Variants in UBE2H observed in about 807,000 individuals in gnomAD.
UBE2H encodes ubiquitin-conjugating enzyme E2 H.
UBE2H carries 3 observed loss-of-function variants against 29.0 expected under a neutral mutation model. That is an observed-to-expected ratio of 0.10 (90% CI 0.05 to 0.27). UBE2H has a LOEUF of 0.27. Ranked by LOEUF, UBE2H falls within the 10% of genes least tolerant of loss-of-function variation. The pLI is 1.00. For synonymous variants in UBE2H, 69 were observed against 82.9 expected, an observed-to-expected ratio of 0.83 and a Z score of 0.91; for missense variants, 68 against 228.2, an observed-to-expected ratio of 0.30 and a Z score of 4.52.
chr7:129,887,912 CA>C (rs1384267187), intron 1 of UBE2H, among the ~76,000 whole-genome samples: 1 of 151,888 alleles, frequency 6.6e-6, no homozygotes, highest in Non-Finnish European at 1.5e-5. Context: ...AAAGCAAAAA[CA>C]AAAAAACCAA....
chr7:129,877,477 G>A (rs1233364220), intron 3 of UBE2H, among the ~76,000 whole-genome samples: 1 of 152,024 alleles, frequency 6.6e-6, no homozygotes, highest in African/African-American at 2.4e-5. Flanking sequence ...CCTGAAAATG[G>A]GTCACCCCGC....
At chr7:129,849,765 G>A (rs978294779) in intron 5 of UBE2H, among the ~76,000 whole-genome samples, 4 of 151,958 alleles carry the variant, frequency 2.6e-5, no homozygotes, top group Non-Finnish European at 5.9e-5. Context: ...GTTTACTGAA[G>A]GCTAACTAGC....
At chr7:129,903,858 C>T (rs1467834538) in intron 1 of UBE2H, among the ~76,000 whole-genome samples, 1 of 152,204 alleles carries the variant, frequency 6.6e-6, no homozygotes, top group African/African-American at 2.4e-5. Flanking sequence ...GGTAGCTATG[C>T]TGGCATCTGT....
chr7:129,861,330 T>G (rs1805797877), intron 3 of UBE2H, among the ~76,000 whole-genome samples: 1 of 152,194 alleles, frequency 6.6e-6, no homozygotes, highest in Non-Finnish European at 1.5e-5. Context: ...AATAAGAAAC[T>G]GAAAGTAAGT....
At chr7:129,923,937 T>C (rs891539380) in intron 1 of UBE2H, among the ~76,000 whole-genome samples, 1 of 152,204 alleles carries the variant, frequency 6.6e-6, no homozygotes, top group African/African-American at 2.4e-5. Flanking sequence ...GCCATTAACA[T>C]CTTGACTCAA....
chr7:129,902,285 G>C (rs1489118446), intron 1 of UBE2H, among the ~76,000 whole-genome samples: 1 of 152,152 alleles, frequency 6.6e-6, no homozygotes, highest in Non-Finnish European at 1.5e-5. Flanking sequence ...GATCACCTGA[G>C]GTCAGGAGTT....
At chr7:129,923,352 A>G (rs1807204387) in intron 1 of UBE2H, among the ~76,000 whole-genome samples, 1 of 152,210 alleles carries the variant, frequency 6.6e-6, no homozygotes, top group Non-Finnish European at 1.5e-5. Flanking sequence ...AGTCATATCC[A>G]TGTTAAAGGC....
At chr7:129,929,374 A>G (rs149053317) in intron 1 of UBE2H, among the ~76,000 whole-genome samples, 8 of 152,186 alleles carry the variant, frequency 5.3e-5, no homozygotes, top group African/African-American at 1.9e-4. Context: ...GTAGCTCAAG[A>G]ACTGAACTGC....
In UBE2H at chr7:129,840,624, C is replaced by T. The variant is rs761104989; in HGVS notation, c.299-1289G>A. Among the ~76,000 whole-genome samples the T allele has an allele frequency of 3.0e-4, 45 of 152,310 alleles. 1 individual carries two copies. Among genetic ancestry groups the T allele is most frequent in the Middle Eastern group, 3.4e-3 (1 of 294 alleles). ...CCACACACCCCATAGCTCAGATATG[C>T]TGTAACTTCCACACTCTGCTCCTCA... On this transcript the variant is annotated intron_variant, in intron 5 of 6. Coordinates refer to ENST00000355621, the MANE Select transcript of UBE2H (RefSeq NM_003344.4).
chr7:129,862,086 C>T (rs17558874), intron 3 of UBE2H, among the ~76,000 whole-genome samples: 9,786 of 152,110 alleles, frequency 0.064, 340 homozygotes, highest in South Asian at 0.13. Context: ...TTATAAGGTA[C>T]GTGGTCCTCA....
At chr7:129,860,205 G>T (rs1805774978) in intron 3 of UBE2H, among the ~76,000 whole-genome samples, 1 of 152,120 alleles carries the variant, frequency 6.6e-6, no homozygotes, top group African/African-American at 2.4e-5. Context: ...CCAAGTCCAA[G>T]TAGTCCAGTC....
chr7:129,843,514 G>GCTGCCTCT (rs1275475362), intron 5 of UBE2H, among the ~76,000 whole-genome samples: 1 of 152,096 alleles, frequency 6.6e-6, no homozygotes, highest in Non-Finnish European at 1.5e-5. Context: ...CTCTGTTAAT[G>GCTGCCTCT]GATAAAACAC....
chr7:129,895,290 T>G (rs1009339762), intron 1 of UBE2H, among the ~76,000 whole-genome samples: 1 of 152,112 alleles, frequency 6.6e-6, no homozygotes, highest in Non-Finnish European at 1.5e-5. Flanking sequence ...GCGGAAGACC[T>G]AGACCTGCAA....
chr7:129,941,272 C>T (rs185696454), intron 1 of UBE2H, among the ~76,000 whole-genome samples: 168 of 151,656 alleles, frequency 1.1e-3, no homozygotes, highest in African/African-American at 3.7e-3. Flanking sequence ...GTCTCGAACT[C>T]CTGAGTTCAA....
At chr7:129,915,900 A>T (rs187494449) in intron 1 of UBE2H, among the ~76,000 whole-genome samples, 18 of 152,348 alleles carry the variant, frequency 1.2e-4, no homozygotes, top group Non-Finnish European at 1.5e-5. Context: ...CAGAATACAG[A>T]AACAGACCAA....
chr7:129,840,237 G>C (rs745873512), intron 5 of UBE2H, among the ~76,000 whole-genome samples: 20 of 152,174 alleles, frequency 1.3e-4, no homozygotes, highest in Middle Eastern at 3.4e-3. Flanking sequence ...CCAAGTTGGA[G>C]TGCATAGGTG....
chr7:129,939,619 A>C (rs1306629525), intron 1 of UBE2H, among the ~76,000 whole-genome samples: 1 of 152,204 alleles, frequency 6.6e-6, no homozygotes, highest in African/African-American at 2.4e-5. Context: ...TTTTTAAATT[A>C]ATCAACTTAT....
At chr7:129,878,373 G>A (rs1223594038) in intron 3 of UBE2H, among the ~76,000 whole-genome samples, 2 of 151,964 alleles carry the variant, frequency 1.3e-5, no homozygotes, top group Admixed American at 6.6e-5. Context: ...CCAGGATATC[G>A]GGCATTACTT....
Position 129,846,018 on chromosome 7 carries a change from A to G in UBE2H, c.299-6683T>C, listed in dbSNP as rs182740935. On this transcript the variant is annotated intron_variant, in intron 5 of 6. Transcript: ENST00000355621. ...CTTAAAGAATATGTATTAATTAAAA[A>G]GAGTTACACTGAAAAAAATGTACCA... Among the ~76,000 whole-genome samples, 75 of 152,336 alleles carry G rather than the reference A, an allele frequency of 4.9e-4. 1 individual carries two copies. In the East Asian group the frequency reaches 0.013, roughly 27 times the overall value.
Sources: allele counts gnomAD v4.1 joint callset (sites outside exome capture counted in the v4.1 genomes callset), GRCh38; gene constraint gnomAD v4.1.1; transcripts MANE v1.5; gene names NCBI Gene and HGNC (gene_info 2026-07-23, HGNC 2026-07-21).